Variants in PSD3 observed in about 807,000 individuals in gnomAD.
PSD3 encodes the protein PH and SEC7 domain-containing protein 3.
Under a neutral mutation model 105.5 loss-of-function variants are expected in PSD3, and 49 were observed. The ratio of observed to expected loss-of-function variants is 0.46; its 90% CI spans 0.37 to 0.59. PSD3 has a LOEUF of 0.59. Ranked by LOEUF, PSD3 falls within the 20% of genes least tolerant of loss-of-function variation. The probability of loss-of-function intolerance (pLI) is 0.00; values close to 1 mark genes in which losing one functional copy is unlikely to be tolerated. For synonymous variants in PSD3, 557 were observed against 457.8 expected (o/e 1.22, Z -2.77); for missense variants, 1,561 against 1,263.8 (o/e 1.24, Z -3.57).
intron 14 of PSD3, among the ~76,000 whole-genome samples, chr8:18,563,019 T>C (rs1801498401): frequency 6.6e-6 from 1 of 152,238 alleles, no homozygotes; most frequent in African/African-American, 2.4e-5. Context: ...CACTTAAATG[T>C]CTACGTCATA....
chr8:19,038,549 C>T (rs1828021213), intron 1 of PSD3, among the ~76,000 whole-genome samples: 1 of 152,178 alleles, frequency 6.6e-6, no homozygotes, highest in Admixed American at 6.5e-5. Context: ...CAGTCTTAAC[C>T]TCCTGGGCTC....
rs1202084471 is a variant in PSD3, at chr8:18,528,334, C to T, written c.*7409G>A. On this transcript the variant is annotated 3_prime_UTR_variant, in exon 16 of 16. Transcript: ENST00000327040. ...GTGTGGAGGCAAAGATATCGTCCGTCCGTAGTTAGAACTCAGGGTGCCAGT... is the reference window on the plus strand; with the variant it reads ...GTGTGGAGGCAAAGATATCGTCCGTTCGTAGTTAGAACTCAGGGTGCCAGT... The T allele has an allele frequency of 6.6e-6, 1 of 152,206 alleles. No homozygotes were observed. The highest frequency in any genetic ancestry group is 1.5e-5 in the Non-Finnish European group (1 of 68,048). 9.4% of individuals were successfully genotyped at this position (152,206 alleles called of 1,614,324 possible).
chr8:19,075,053 T>C (rs1829421903), intron 1 of PSD3, among the ~76,000 whole-genome samples: 1 of 151,810 alleles, frequency 6.6e-6, no homozygotes, highest in Non-Finnish European at 1.5e-5. Context: ...TCAAGCAACT[T>C]TCCTGCCTCG....
chr8:18,850,200 C>T (rs1487609531), intron 4 of PSD3, among the ~76,000 whole-genome samples: 1 of 152,212 alleles, frequency 6.6e-6, no homozygotes, highest in African/African-American at 2.4e-5. Flanking sequence ...AAACATCTCC[C>T]ACATAGCCTG....
chr8:18,829,403 T>C lies in PSD3; in HGVS notation c.1635-24505A>G, dbSNP rs948439831. ...AGAATCTTGAGATACATCCAAATTC[T>C]TCCATAGTTCCCCAGCAATTAGAAT... On this transcript the variant is annotated intron_variant, in intron 4 of 15. Transcript: ENST00000327040. Among the ~76,000 whole-genome samples the C allele has an allele frequency of 2.6e-5, 4 of 152,216 alleles. 1 individual carries two copies. In the South Asian group the frequency reaches 8.3e-4, roughly 32 times the overall value.
intron 14 of PSD3, 106 bp downstream of exon 14, chr8:18,572,422 C>T (rs939421196): frequency 3.6e-6 from 5 of 1,397,962 alleles, no homozygotes; most frequent in Non-Finnish European, 3.9e-6. Flanking sequence ...AGGGCAAGGT[C>T]TCACACCTGC....
chr8:19,016,536 G>C (rs977484987), upstream of PSD3, among the ~76,000 whole-genome samples: 5 of 152,024 alleles, frequency 3.3e-5, no homozygotes, highest in African/African-American at 1.2e-4. Context: ...TCTAAGAGTT[G>C]ACAAATCCCA....
chr8:18,813,491 A>G (rs1377791237), intron 4 of PSD3, among the ~76,000 whole-genome samples: 1 of 152,168 alleles, frequency 6.6e-6, no homozygotes, highest in Non-Finnish European at 1.5e-5. Flanking sequence ...TGACCAAAGA[A>G]CACCAAAGTG....
At chr8:18,695,547 G>A (rs550255299) in intron 9 of PSD3, among the ~76,000 whole-genome samples, 5 of 151,988 alleles carry the variant, frequency 3.3e-5, no homozygotes, top group African/African-American at 4.8e-5. Context: ...TGACACATAC[G>A]AAACAATACA....
At chr8:18,600,541 G>A (rs532167216) in intron 11 of PSD3, 107 bp from the exon 12 acceptor site, 163 of 925,716 alleles carry the variant, frequency 1.8e-4, no homozygotes, top group Admixed American at 3.9e-4. Flanking sequence ...CCTAGCTACC[G>A]AAAGTAATAA....
chr8:19,076,467 G>A (rs1349692293), intron 1 of PSD3, among the ~76,000 whole-genome samples: 1 of 152,028 alleles, frequency 6.6e-6, no homozygotes. Flanking sequence ...GAGTACTAGT[G>A]GGAGAGATGC....
intron 1 of PSD3, among the ~76,000 whole-genome samples, chr8:19,029,895 T>A (rs559150123): frequency 1.2e-4 from 19 of 152,330 alleles, no homozygotes; most frequent in Admixed American, 2.6e-4. Flanking sequence ...GTTCTACTAG[T>A]TTCTAAATTA....
intron 1 of PSD3, among the ~76,000 whole-genome samples, chr8:18,998,310 T>G (rs931974834): frequency 6.6e-6 from 1 of 152,154 alleles, no homozygotes; most frequent in South Asian, 2.1e-4. Context: ...AAAAGCTCTC[T>G]TAACTGAGAG....
intron 1 of PSD3, among the ~76,000 whole-genome samples, chr8:19,038,648 G>A (rs780536720): frequency 6.6e-6 from 1 of 151,964 alleles, no homozygotes; most frequent in Non-Finnish European, 1.5e-5. Context: ...TTTTTGTAGA[G>A]ACAGGGTCTC....
At chr8:19,031,671 TA>T (rs2129476240) in intron 1 of PSD3, among the ~76,000 whole-genome samples, 1 of 152,240 alleles carries the variant, frequency 6.6e-6, no homozygotes, top group East Asian at 1.9e-4. Context: ...TAACAACAAC[TA>T]TATTTGACTC....
chr8:19,013,435 C>A, intron 1 of PSD3, 128 bp downstream of exon 1: 1 of 1,308,116 alleles, frequency 7.6e-7, no homozygotes, highest in South Asian at 1.2e-5. Flanking sequence ...TGCACCTATC[C>A]AGACAGCACA....
chr8:18,801,707 G>A (rs1810706379), intron 6 of PSD3, among the ~76,000 whole-genome samples: 1 of 152,086 alleles, frequency 6.6e-6, no homozygotes, highest in Non-Finnish European at 1.5e-5. Context: ...GTGGGCGCCT[G>A]TAATCCCAGC....
At chr8:18,660,734 T>C (rs776272558) in intron 9 of PSD3, among the ~76,000 whole-genome samples, 4 of 152,226 alleles carry the variant, frequency 2.6e-5, no homozygotes, top group South Asian at 2.1e-4. Flanking sequence ...ATTGGAAGCC[T>C]TGGTTAAAAA....
intron 1 of PSD3, among the ~76,000 whole-genome samples, chr8:19,038,008 A>G (rs1828000172): frequency 6.6e-6 from 1 of 151,262 alleles, no homozygotes; most frequent in Non-Finnish European, 1.5e-5. Flanking sequence ...TTATTTATAT[A>G]TACAATCTCC....
Sources: allele counts gnomAD v4.1 joint callset (sites outside exome capture counted in the v4.1 genomes callset), GRCh38; gene constraint gnomAD v4.1.1; transcripts MANE v1.5; gene names NCBI Gene and HGNC (gene_info 2026-07-23, HGNC 2026-07-21).